Variants in MAST1 observed in about 807,000 individuals in gnomAD.
MAST1 encodes the protein microtubule associated serine/threonine kinase 1, also known as microtubule-associated serine/threonine-protein kinase 1.
A neutral mutation model predicts 124.6 loss-of-function variants in MAST1; 40 were observed. The observed-to-expected ratio is 0.32, with a 90% CI of 0.25 to 0.42. MAST1 has a LOEUF of 0.42. Ranked by LOEUF, MAST1 falls within the 10% of genes least tolerant of loss-of-function variation. The pLI is 1.00. For synonymous variants in MAST1, 938 were observed against 939.4 expected (o/e 1.00, Z 0.03); for missense variants, 1,558 against 2,181.9 (o/e 0.71, Z 5.70).
chr19:12,845,167 T>G (rs1435025288), intron 4 of MAST1, among the ~76,000 whole-genome samples: 1 of 151,956 alleles, frequency 6.6e-6, no homozygotes, highest in African/African-American at 2.4e-5. Flanking sequence ...CCAGGCGTGG[T>G]CATGGATGCC....
At position 12,852,331 on chromosome 19, in the gene MAST1, T is replaced by C; in HGVS notation, c.1013T>C (p.Val338Ala). The change falls in exon 10 of 26, where the codon GTG (valine) becomes GCG (alanine). Residue 338 changes from valine (V) to alanine (A), a missense_variant. Transcript: ENST00000251472. ...LGLTRDPFPD[V>A]VHLEEQDSGG... ...CTCACTCTCAGTCCCTCCCTAGATGTGGTGCATCTGGAGGAACAGGACAGT... is the reference window on the plus strand; with the variant it reads ...CTCACTCTCAGTCCCTCCCTAGATGCGGTGCATCTGGAGGAACAGGACAGT... The C allele has an allele frequency of 6.2e-7, 1 of 1,614,008 alleles. No individual in the cohort carries two copies. Among genetic ancestry groups the C allele is most frequent in the Non-Finnish European group, 8.5e-7 (1 of 1,179,976 alleles).
intron 24 of MAST1, among the ~76,000 whole-genome samples, 165 bp downstream of exon 24, chr19:12,871,337 G>A (rs1039595848): frequency 2.0e-5 from 3 of 152,114 alleles, no homozygotes; most frequent in Non-Finnish European, 4.4e-5. Flanking sequence ...GGCTGGGCGC[G>A]GTGGCTCACG....
At chr19:12,861,063 C>CATTT (rs939236254) in intron 12 of MAST1, among the ~76,000 whole-genome samples, 29 of 151,846 alleles carry the variant, frequency 1.9e-4, no homozygotes, top group East Asian at 7.8e-4. Flanking sequence ...GAGATAAGGA[C>CATTT]ATTTATTTAT....
At chr19:12,850,054 T>A (rs1326790737) in intron 7 of MAST1, among the ~76,000 whole-genome samples, 1 of 152,074 alleles carries the variant, frequency 6.6e-6, no homozygotes, top group Non-Finnish European at 1.5e-5. Context: ...TGCCTCTGCC[T>A]CCCAAAGTGC....
chr19:12,861,719 T>G (rs1195889022), intron 12 of MAST1, among the ~76,000 whole-genome samples: 3 of 150,450 alleles, frequency 2.0e-5, no homozygotes, highest in African/African-American at 7.4e-5. Flanking sequence ...TCTTTCTTTT[T>G]TGAGATAGAG....
chr19:12,839,333 A>G (rs976862710), intron 1 of MAST1, among the ~76,000 whole-genome samples: 2 of 152,172 alleles, frequency 1.3e-5, no homozygotes, highest in East Asian at 3.9e-4. Context: ...CAGGGGCACC[A>G]CGTCGTGTAC....
intron 10 of MAST1, among the ~76,000 whole-genome samples, chr19:12,853,298 C>T (rs180807246): frequency 4.1e-4 from 60 of 147,778 alleles, no homozygotes; most frequent in African/African-American, 1.2e-3. Flanking sequence ...ATGAACAATT[C>T]GGGGCCGGGT....
At chr19:12,862,897 C>T (rs1970102308) in intron 12 of MAST1, among the ~76,000 whole-genome samples, 1 of 151,908 alleles carries the variant, frequency 6.6e-6, no homozygotes, top group Admixed American at 6.6e-5. Flanking sequence ...GAACTCCCAA[C>T]CTCAGGTGAT....
chr19:12,867,757 T>G lies in MAST1; in HGVS notation c.2346T>G (p.Ser782Arg), dbSNP rs1247973883. 1 of 1,540,112 alleles carries G rather than the reference T, an allele frequency of 6.5e-7. No homozygotes were observed. Among genetic ancestry groups the G allele is most frequent in the South Asian group, 1.2e-5 (1 of 84,170 alleles). ...AGCGATTCTCCGCGTCCGAGGCCAGTTTCCTGGAGGGAGAGGCCAGTCCCC... is the reference window on the plus strand; with the variant it reads ...AGCGATTCTCCGCGTCCGAGGCCAGGTTCCTGGAGGGAGAGGCCAGTCCCC... ...EIKRFSASEA[S>R]FLEGEASPPL... The change falls in exon 20 of 26, where the codon AGT (serine) becomes AGG (arginine). Residue 782 changes from serine to arginine, a missense_variant. Transcript: ENST00000251472.
chr19:12,850,694 G>A (rs1439635129), intron 7 of MAST1, among the ~76,000 whole-genome samples: 1 of 152,082 alleles, frequency 6.6e-6, no homozygotes, highest in African/African-American at 2.4e-5. Flanking sequence ...GCTAGGCACA[G>A]CCTGTTGGAT....
In MAST1 at chr19:12,857,561, G is replaced by A. The variant is rs145459219; in HGVS notation, c.1078-801G>A. Among the ~76,000 whole-genome samples the A allele has an allele frequency of 4.0e-3, 609 of 151,854 alleles. 9 individuals carry two copies. The highest frequency in any genetic ancestry group is 0.014 in the African/African-American group (588 of 41,402). ...CAAGTAGCTGGGACTACATGTGCCCGCCACCATGCCTGGCTAATTGTTTCG... is the reference window on the plus strand; with the variant it reads ...CAAGTAGCTGGGACTACATGTGCCCACCACCATGCCTGGCTAATTGTTTCG... On this transcript the variant is annotated intron_variant, in intron 10 of 25. Transcript: ENST00000251472.
At position 12,841,553 on chromosome 19, in the gene MAST1, C is replaced by T. The variant is rs1300017030; in HGVS notation, c.248+487C>T. 6.6e-6 allele frequency among the ~76,000 whole-genome samples: 1 copy of T among 152,196 alleles called. No individual in the cohort carries two copies. The highest frequency in any genetic ancestry group is 1.5e-5 in the Non-Finnish European group (1 of 68,030). On this transcript the variant is annotated intron_variant, in intron 3 of 25. Transcript: ENST00000251472. The surrounding 1 kb of genome is among the most constrained non-coding windows in gnomAD (Gnocchi z 4.3). The stretch of plus-strand genomic sequence containing the variant: ...TCTGGGGTGTCCTTAAATGAATTTT[C>T]TATGGGCCTTTGGTGAAACTGGGGG...
At position 12,865,553 on chromosome 19, in the gene MAST1, G is replaced by A; in HGVS notation, c.1804+72G>A. The stretch of plus-strand genomic sequence containing the variant: ...GAGATGGACAGGCTCAGGGTTCCAG[G>A]GATTTCAAAAGCGACCCCCCAGAGG... On this transcript the variant is annotated intron_variant, in intron 15 of 25. Transcript: ENST00000251472. This position sits in a 1 kb window ranked among gnomAD's most constrained non-coding sequence, Gnocchi z 7.1. 6.5e-7 allele frequency: 1 copy of A among 1,528,382 alleles called. No individual in the cohort carries two copies. The highest frequency in any genetic ancestry group is 2.1e-5 in the Admixed American group (1 of 47,896). 94.7% of individuals were successfully genotyped at this position (1,528,382 alleles called of 1,614,324 possible).
At chr19:12,842,495 G>T (rs1028821033) in intron 3 of MAST1, among the ~76,000 whole-genome samples, 1 of 152,056 alleles carries the variant, frequency 6.6e-6, no homozygotes, top group African/African-American at 2.4e-5. Flanking sequence ...GTTTCACCAG[G>T]TTGGTCATGC....
At chr19:12,844,223 G>A (rs1969865119) in intron 4 of MAST1, among the ~76,000 whole-genome samples, 1 of 152,150 alleles carries the variant, frequency 6.6e-6, no homozygotes, top group Non-Finnish European at 1.5e-5. Flanking sequence ...ATCAGCAGCT[G>A]GGCTGGGCCA....
At position 12,847,953 on chromosome 19, in the gene MAST1, A is replaced by C. The variant is rs1352363079; in HGVS notation, c.670A>C (p.Ile224Leu). The change falls in exon 7 of 26, where the codon ATC becomes CTC. Residue 224 changes from isoleucine (I) to leucine (L), a missense_variant. Transcript: ENST00000251472. The surrounding 1 kb of genome is among the most constrained non-coding windows in gnomAD (Gnocchi z 5.5). The part of the protein sequence containing the change: ...DGVLSFIHHQ[I>L]IELARDCLTK... ...CGTGCTCAGCTTCATCCACCACCAG[A>C]TCATCGAGCTGGCCCGGGACTGCCT... The C allele has an allele frequency of 1.9e-6, 3 of 1,614,016 alleles. No homozygotes were observed. Among genetic ancestry groups the C allele is most frequent in the Non-Finnish European group, 2.5e-6 (3 of 1,179,956 alleles).
In MAST1 at chr19:12,867,737, T is replaced by G. The variant is rs1970174394; in HGVS notation, c.2326T>G (p.Phe776Val). Residue 776 changes from phenylalanine to valine, a missense_variant, in exon 20 of 26, where the codon TTC becomes GTC. Phe to Val is a conservative substitution (Grantham distance 50). Coordinates refer to ENST00000251472, the MANE Select transcript of MAST1 (RefSeq NM_014975.3). Reference protein sequence around the residue: ...WRGGSPEIKRFSASEASFLEG... With the variant: ...WRGGSPEIKRVSASEASFLEG... ...CACGCCCCCTCCATGCAGCAAGCGA[T>G]TCTCCGCGTCCGAGGCCAGTTTCCT... 1.3e-6 allele frequency: 2 copies of G among 1,532,492 alleles called. No homozygotes were observed. Among genetic ancestry groups the G allele is most frequent in the Non-Finnish European group, 1.8e-6 (2 of 1,140,396 alleles). 94.9% of individuals were successfully genotyped at this position (1,532,492 alleles called of 1,614,324 possible).
rs1243660686 is a variant in MAST1 at position 12,871,134 on chromosome 19, G to A, written c.3225G>A (p.Arg1075=). The change falls in exon 24 of 26, where the codon CGG becomes CGA. Residue 1075 remains arginine, a synonymous_variant. Transcript: ENST00000251472. ...RRSSYKAKMA[R]RNKRPSAKEG... Reference sequence around the variant, plus strand: ...GCAGCTACAAGGCTAAAATGGCTCGGAGGAACAAGCGACCCTCCGCCAAGG... The same window carrying A: ...GCAGCTACAAGGCTAAAATGGCTCGAAGGAACAAGCGACCCTCCGCCAAGG... 2 of 1,614,212 alleles carry A rather than the reference G, an allele frequency of 1.2e-6. No individual in the cohort carries two copies. The highest frequency in any genetic ancestry group is 1.3e-5 in the African/African-American group (1 of 75,066).
chr19:12,845,411 C>CAAAAAAAAAAAAAAA lies in MAST1; in HGVS notation c.327+1813_327+1827dup, dbSNP rs540488398. Among the ~76,000 whole-genome samples, 7 of 69,108 alleles carry CAAAAAAAAAAAAAAA rather than the reference C, an allele frequency of 1.0e-4. 1 individual carries two copies. In the South Asian group the frequency reaches 3.7e-3, roughly 36 times the overall value. The allele number at this position is 69,108 out of a possible 152,430, so 45.3% of individuals were successfully genotyped here. On this transcript the variant is annotated intron_variant, in intron 4 of 25. Coordinates refer to ENST00000251472, the MANE Select transcript of MAST1 (RefSeq NM_014975.3). ...GCAACGTGATGAAACCCTGTTTCTA[C>CAAAAAAAAAAAAAAA]AAAAAAAAAAAAAAAAAAAAAAATT... is the stretch of plus-strand genomic sequence containing the variant.
Sources: allele counts gnomAD v4.1 joint callset (sites outside exome capture counted in the v4.1 genomes callset), GRCh38; gene constraint gnomAD v4.1.1; non-coding constraint Gnocchi (gnomAD v3.1); transcripts MANE v1.5; gene names NCBI Gene and HGNC (gene_info 2026-07-23, HGNC 2026-07-21).